Variants in DDX46 observed in about 807,000 individuals in gnomAD.
The protein encoded by DDX46 is DEAD-box helicase 46.
A neutral mutation model predicts 134.9 loss-of-function variants in DDX46; 30 were observed. The observed-to-expected ratio is 0.22, with a 90% CI of 0.17 to 0.30. The LOEUF (loss-of-function observed/expected upper bound fraction) is 0.30. Among genes scored for constraint, DDX46 ranks in the 10% least tolerant of loss-of-function variants. The pLI is 1.00. For synonymous variants in DDX46, 415 were observed against 404.1 expected, an observed-to-expected ratio of 1.03 and a Z score of -0.32; for missense variants, 622 against 1,248.7, an observed-to-expected ratio of 0.50 and a Z score of 7.56.
rs777962178 is a variant in DDX46 at position 134,819,157 on chromosome 5, A to G, written c.2977+153A>G. Among the ~76,000 whole-genome samples, 4 of 152,366 alleles carry G rather than the reference A, an allele frequency of 2.6e-5. No homozygotes were observed. The South Asian group carries it at 6.2e-4, about 24-fold the overall frequency. The stretch of plus-strand genomic sequence containing the variant: ...ATCTTATGACATTTGAGGTCTTTAT[A>G]TATAAGAATTTCAGTACATATGCAA... On this transcript the variant is annotated intron_variant, in intron 21 of 22. Transcript: ENST00000452510.
intron 4 of DDX46, among the ~76,000 whole-genome samples, chr5:134,771,301 G>C (rs766304593): frequency 1.3e-5 from 2 of 150,484 alleles, no homozygotes; most frequent in Non-Finnish European, 3.0e-5. Flanking sequence ...CACTGTGTTG[G>C]CCAGGCTGGT....
chr5:134,807,549 C>G (rs940917838), intron 15 of DDX46, among the ~76,000 whole-genome samples, 199 bp from the exon 16 acceptor site: 2 of 152,160 alleles, frequency 1.3e-5, no homozygotes, highest in African/African-American at 4.8e-5. Flanking sequence ...GGGGGCAATA[C>G]AAGACCAGAG....
chr5:134,813,100 C>T lies in DDX46; in HGVS notation c.2436+1255C>T, dbSNP rs370730855. Among the ~76,000 whole-genome samples the T allele has an allele frequency of 5.9e-5, 9 of 152,264 alleles. No individual in the cohort carries two copies. The South Asian group carries it at 1.9e-3, about 32-fold the overall frequency. On this transcript the variant is annotated intron_variant, in intron 18 of 22. Transcript: ENST00000452510. ...GGAACGACAGGCACGCGCCACCATGCTTGGCTAATTTTTTTTGTATTTTTA... is the reference window on the plus strand; with the variant it reads ...GGAACGACAGGCACGCGCCACCATGTTTGGCTAATTTTTTTTGTATTTTTA...
chr5:134,809,399 G>T (rs953078794), intron 16 of DDX46, among the ~76,000 whole-genome samples: 2 of 152,110 alleles, frequency 1.3e-5, no homozygotes, highest in Middle Eastern at 6.8e-3. Flanking sequence ...ATGGAGTCTC[G>T]CTCTGTTGCC....
intron 18 of DDX46, among the ~76,000 whole-genome samples, chr5:134,815,722 A>G (rs1213363784): frequency 1.3e-5 from 2 of 151,114 alleles, no homozygotes; most frequent in Non-Finnish European, 3.0e-5. Context: ...AAAAAAAAAA[A>G]AAAAAAAAAA....
intron 6 of DDX46, among the ~76,000 whole-genome samples, chr5:134,778,626 T>G (rs1252914113): frequency 6.6e-6 from 1 of 152,114 alleles, no homozygotes; most frequent in Non-Finnish European, 1.5e-5. Context: ...CAAGCGGGAG[T>G]GCAGTGGCGC....
chr5:134,812,977 C>G (rs1413825614), intron 18 of DDX46, among the ~76,000 whole-genome samples: 7 of 151,672 alleles, frequency 4.6e-5, no homozygotes, highest in East Asian at 1.9e-4. Flanking sequence ...GAGTCTCGCT[C>G]TGTCACCAGG....
intron 6 of DDX46, among the ~76,000 whole-genome samples, chr5:134,780,098 ATGTGTGTGTGTGTGTGTG>A (rs71583216): frequency 1.4e-5 from 2 of 139,506 alleles, no homozygotes; most frequent in African/African-American, 2.8e-5. Context: ...AAAAAAATAT[ATGTGTGTGTGTGTGTGTG>A]TGTGTGTGTG....
At chr5:134,801,920 T>A (rs974630585) in intron 15 of DDX46, among the ~76,000 whole-genome samples, 5 of 152,148 alleles carry the variant, frequency 3.3e-5, no homozygotes, top group African/African-American at 1.2e-4. Flanking sequence ...GGTGACTATA[T>A]CTAGGGATGG....
intron 20 of DDX46, among the ~76,000 whole-genome samples, chr5:134,818,106 T>C (rs1291457481): frequency 1.3e-5 from 2 of 151,464 alleles, no homozygotes; most frequent in Non-Finnish European, 1.5e-5. Context: ...TGCGCCACCA[T>C]GCCCAGCTTA....
Position 134,828,901 on chromosome 5 carries a change from C to A in DDX46, c.*195C>A. ...ACAATCAGTCAAACTATATTTAAAG[C>A]CAGCCTGTTTTCAGAGTATGATGTC... On this transcript the variant is annotated 3_prime_UTR_variant, in exon 23 of 23. Transcript: ENST00000452510. 2.6e-6 allele frequency: 1 copy of A among 378,152 alleles called. No homozygotes were observed. The highest frequency in any genetic ancestry group is 4.7e-6 in the Non-Finnish European group (1 of 214,452). The allele number at this position is 378,152 out of a possible 1,614,324, so 23.4% of individuals were successfully genotyped here.
intron 20 of DDX46, 140 bp from the exon 21 acceptor site, chr5:134,818,720 A>AG: frequency 2.0e-6 from 1 of 498,810 alleles, no homozygotes. Flanking sequence ...AAAAAAAAAA[A>AG]GAATATATAT....
At chr5:134,811,935 T>A (rs1580813853) in intron 18 of DDX46, 90 bp downstream of exon 18, 2 of 1,471,256 alleles carry the variant, frequency 1.4e-6, no homozygotes, top group East Asian at 4.7e-5. Context: ...AGATAGACAA[T>A]CACTGGAAAC....
At chr5:134,816,366 G>A in intron 18 of DDX46, 64 bp from the exon 19 acceptor site, 1 of 1,428,496 alleles carries the variant, frequency 7.0e-7, no homozygotes, top group Non-Finnish European at 9.5e-7. Context: ...TATTTCTGTA[G>A]AATAACTTAA....
intron 15 of DDX46, 89 bp downstream of exon 15, chr5:134,796,239 C>A: frequency 7.1e-7 from 1 of 1,417,652 alleles, no homozygotes; most frequent in Non-Finnish European, 9.6e-7. Context: ...ACTTTGTTCT[C>A]TATAATTCAG....
chr5:134,775,707 T>A (rs1303003991), intron 5 of DDX46, among the ~76,000 whole-genome samples: 1 of 152,188 alleles, frequency 6.6e-6, no homozygotes, highest in Non-Finnish European at 1.5e-5. Flanking sequence ...TTGGCCAGGC[T>A]AGTCTCAAAC....
chr5:134,777,567 A>G lies in DDX46; in HGVS notation c.614-7A>G, dbSNP rs1393031085. 1.9e-6 allele frequency: 3 copies of G among 1,612,678 alleles called. No individual in the cohort carries two copies. The highest frequency in any genetic ancestry group is 1.1e-5 in the South Asian group (1 of 90,946). Reference sequence around the variant, plus strand: ...ATGTTTAAAGAATGTGTATTCTGGTATTTTAGATGACGAAGATGATCCTGC... The same window carrying G: ...ATGTTTAAAGAATGTGTATTCTGGTGTTTTAGATGACGAAGATGATCCTGC... On this transcript the variant is annotated splice_region_variant and splice_polypyrimidine_tract_variant and intron_variant, in intron 5 of 22. Transcript: ENST00000452510.
chr5:134,774,471 A>G (rs1580780086), intron 5 of DDX46, among the ~76,000 whole-genome samples: 1 of 152,276 alleles, frequency 6.6e-6, no homozygotes, highest in Middle Eastern at 3.4e-3. Flanking sequence ...TGAACTATAT[A>G]CCCAGAAGTG....
intron 4 of DDX46, among the ~76,000 whole-genome samples, chr5:134,772,569 G>A (rs540342699): frequency 5.3e-4 from 80 of 152,272 alleles, no homozygotes; most frequent in African/African-American, 1.9e-3. Context: ...AGGTGCTGTG[G>A]CTCATGCCTG....
Sources: allele counts gnomAD v4.1 joint callset (sites outside exome capture counted in the v4.1 genomes callset), GRCh38; gene constraint gnomAD v4.1.1; transcripts MANE v1.5; gene names NCBI Gene and HGNC (gene_info 2026-07-23, HGNC 2026-07-21).